Variants in HAO1 observed in about 807,000 individuals in gnomAD.
The protein encoded by HAO1 is hydroxyacid oxidase 1.
A neutral mutation model predicts 39.7 loss-of-function variants in HAO1; 34 were observed. That is an observed-to-expected ratio of 0.86 (90% CI 0.65 to 1.14). The LOEUF (loss-of-function observed/expected upper bound fraction) is 1.14, where lower values mean the gene tolerates loss of function less well. HAO1 is among the 50% of genes most tolerant of loss of function. The pLI, the probability that HAO1 is intolerant of heterozygous loss-of-function variation, is 0.00. For synonymous variants in HAO1, 172 were observed against 173.2 expected, an observed-to-expected ratio of 0.99 and a Z score of 0.05; for missense variants, 479 against 464.5, an observed-to-expected ratio of 1.03 and a Z score of -0.29.
chr20:7,902,784 T>C (rs1042277775), intron 4 of HAO1, among the ~76,000 whole-genome samples: 1 of 152,232 alleles, frequency 6.6e-6, no homozygotes, highest in Non-Finnish European at 1.5e-5. Context: ...TAGTGTGAGT[T>C]CTGACAAAGA....
chr20:7,921,271 AC>A (rs753374932), intron 2 of HAO1, among the ~76,000 whole-genome samples: 19 of 152,102 alleles, frequency 1.2e-4, no homozygotes, highest in Non-Finnish European at 2.5e-4. Flanking sequence ...AAAACAGATA[AC>A]CCCATTAAAA....
intron 4 of HAO1, among the ~76,000 whole-genome samples, chr20:7,895,438 A>G (rs2050192655): frequency 6.6e-6 from 1 of 152,198 alleles, no homozygotes; most frequent in Admixed American, 6.5e-5. Context: ...TACTTACGGC[A>G]ATTTAATTGT....
intron 2 of HAO1, among the ~76,000 whole-genome samples, chr20:7,931,063 T>G (rs886654277): frequency 2.0e-5 from 3 of 152,086 alleles, no homozygotes; most frequent in African/African-American, 4.8e-5. Context: ...AAAACATAGG[T>G]GAAAACTTAG....
chr20:7,886,764 C>T (rs543769580), intron 5 of HAO1, among the ~76,000 whole-genome samples: 40 of 152,302 alleles, frequency 2.6e-4, no homozygotes, highest in African/African-American at 9.6e-4. Context: ...AGTGCACTTG[C>T]CTGCACCTTA....
intron 2 of HAO1, among the ~76,000 whole-genome samples, chr20:7,924,999 A>C (rs2050352754): frequency 6.6e-6 from 1 of 152,170 alleles, no homozygotes; most frequent in Non-Finnish European, 1.5e-5. Context: ...AAGTGTTTGT[A>C]TAACTGTGCA....
In HAO1 at chr20:7,895,242, A is replaced by G; in HGVS notation, c.722-18T>C. On this transcript the variant is annotated intron_variant, in intron 4 of 7. Coordinates refer to ENST00000378789, the MANE Select transcript of HAO1 (RefSeq NM_017545.3). ...ATCATCACCTGGAGAGAGTAAAACA[A>G]GCACCTTAGGGAAACTGTAACTTAA... 6.6e-7 allele frequency: 1 copy of G among 1,520,102 alleles called. No individual in the cohort carries two copies. Among genetic ancestry groups the G allele is most frequent in the Non-Finnish European group, 9.1e-7 (1 of 1,094,178 alleles). 94.2% of individuals were successfully genotyped at this position (1,520,102 alleles called of 1,614,324 possible).
chr20:7,924,195 T>C (rs1270454789), intron 2 of HAO1, among the ~76,000 whole-genome samples: 2 of 51,894 alleles, frequency 3.9e-5, no homozygotes, highest in Non-Finnish European at 6.8e-5. Context: ...GTTTGGGTTG[T>C]GTTGTTGTTG....
chr20:7,934,345 T>A lies in HAO1; in HGVS notation c.289+139A>T. The A allele has an allele frequency of 3.5e-6, 2 of 564,804 alleles. 1 individual carries two copies. 35.0% of individuals were successfully genotyped at this position (564,804 alleles called of 1,614,324 possible). ...GAGGAGCAGGACATGCAAGAACAAG[T>A]ATTTTGATGATAGAGTCCATGAGCT... On this transcript the variant is annotated intron_variant, in intron 2 of 7. Coordinates refer to ENST00000378789, the MANE Select transcript of HAO1 (RefSeq NM_017545.3).
chr20:7,936,391 TC>T (rs538562306), intron 1 of HAO1, among the ~76,000 whole-genome samples: 119 of 152,246 alleles, frequency 7.8e-4, no homozygotes, highest in African/African-American at 2.8e-3. Flanking sequence ...GAGAAAACGA[TC>T]TTAATAGCAG....
chr20:7,892,743 A>G (rs1256876258), intron 5 of HAO1, among the ~76,000 whole-genome samples: 3 of 152,146 alleles, frequency 2.0e-5, no homozygotes, highest in African/African-American at 7.2e-5. Flanking sequence ...CACCCACATT[A>G]CTTAGTAGAT....
At chr20:7,907,466 T>C (rs1182682874) in intron 3 of HAO1, among the ~76,000 whole-genome samples, 1 of 152,148 alleles carries the variant, frequency 6.6e-6, no homozygotes, top group Non-Finnish European at 1.5e-5. Flanking sequence ...TGTCTTGGTA[T>C]TATGCCCTTT....
intron 5 of HAO1, among the ~76,000 whole-genome samples, chr20:7,887,862 G>T (rs552711007): frequency 4.9e-4 from 74 of 152,252 alleles, no homozygotes; most frequent in Non-Finnish European, 5.6e-4. Context: ...GAACAACAAT[G>T]TTCCATCTAT....
At chr20:7,933,061 T>A (rs1220119460) in intron 2 of HAO1, among the ~76,000 whole-genome samples, 2 of 152,196 alleles carry the variant, frequency 1.3e-5, no homozygotes, top group Non-Finnish European at 2.9e-5. Flanking sequence ...ATAATTTCCA[T>A]GTCTTTGCTT....
intron 3 of HAO1, among the ~76,000 whole-genome samples, chr20:7,913,202 CAT>C (rs1162784717): frequency 7.5e-6 from 1 of 132,764 alleles, no homozygotes; most frequent in Non-Finnish European, 1.5e-5. Context: ...ACAATTCAAA[CAT>C]AGAGTAAGCA....
chr20:7,925,135 T>C (rs903958023), intron 2 of HAO1, among the ~76,000 whole-genome samples: 8 of 152,142 alleles, frequency 5.3e-5, no homozygotes, highest in East Asian at 3.8e-4. Flanking sequence ...AAAATTACAA[T>C]TGAGATTAAC....
chr20:7,914,746 T>C (rs1055801195), intron 2 of HAO1, among the ~76,000 whole-genome samples: 1 of 152,182 alleles, frequency 6.6e-6, no homozygotes. Context: ...GCAAAAAATA[T>C]TAAGAACCTG....
intron 2 of HAO1, among the ~76,000 whole-genome samples, chr20:7,926,260 C>T (rs550605606): frequency 6.6e-6 from 1 of 152,248 alleles, no homozygotes; most frequent in African/African-American, 2.4e-5. Flanking sequence ...ATGAGAATTA[C>T]TTCACAGGCC....
chr20:7,898,100 A>T (rs1349783588), intron 4 of HAO1, among the ~76,000 whole-genome samples: 1 of 152,170 alleles, frequency 6.6e-6, no homozygotes, highest in Non-Finnish European at 1.5e-5. Flanking sequence ...CTACTTTCTT[A>T]TTGAGAAGTC....
chr20:7,894,690 T>C (rs6055375), intron 5 of HAO1, among the ~76,000 whole-genome samples: 38,233 of 152,084 alleles, frequency 0.25, 11,669 homozygotes, highest in African/African-American at 0.72. Context: ...CAGGAAATTC[T>C]GATTATGTCC....
Sources: allele counts gnomAD v4.1 joint callset (sites outside exome capture counted in the v4.1 genomes callset), GRCh38; gene constraint gnomAD v4.1.1; transcripts MANE v1.5; gene names NCBI Gene and HGNC (gene_info 2026-07-23, HGNC 2026-07-21).